The following CBLN2 variants were observed in gnomAD, a reference collection of about 807,000 sequenced individuals.
CBLN2 encodes cerebellin 2 precursor.
CBLN2 carries 7 observed loss-of-function variants against 15.0 expected under a neutral mutation model. The ratio of observed to expected loss-of-function variants is 0.47; its 90% CI spans 0.27 to 0.88. The LOEUF (loss-of-function observed/expected upper bound fraction) is 0.88. CBLN2 is among the 40% of genes least tolerant of loss of function. The pLI, the probability that CBLN2 is intolerant of heterozygous loss-of-function variation, is 0.14. For synonymous variants in CBLN2, 149 were observed against 135.2 expected (o/e 1.10, Z -0.71); for missense variants, 242 against 304.5 (o/e 0.79, Z 1.53).
chr18:72,548,809 C>A (rs1161507470), upstream of CBLN2, among the ~76,000 whole-genome samples: 1 of 152,090 alleles, frequency 6.6e-6, no homozygotes, highest in Non-Finnish European at 1.5e-5. Context: ...TAGCTTCCTG[C>A]ACCATAAATG....
chr18:72,633,643 T>C (rs899666578), intron 1 of CBLN2, among the ~76,000 whole-genome samples: 2 of 152,188 alleles, frequency 1.3e-5, no homozygotes, highest in African/African-American at 2.4e-5. Flanking sequence ...AGAACAGTTA[T>C]TGTGTAAAGA....
intron 1 of CBLN2, among the ~76,000 whole-genome samples, chr18:72,560,559 T>C (rs972768837): frequency 6.6e-6 from 1 of 152,210 alleles, no homozygotes; most frequent in Non-Finnish European, 1.5e-5. Flanking sequence ...GCTCTCTGAT[T>C]TCAATACAGC....
In CBLN2 at chr18:72,542,104, C is replaced by G. The variant is rs766129906; in HGVS notation, c.57G>C (p.Arg19=). The change falls in exon 3 of 5, where the codon CGG becomes CGC. Residue 19 remains arginine, a synonymous_variant. Coordinates refer to ENST00000269503, the MANE Select transcript of CBLN2 (RefSeq NM_182511.4). ...AGCCGCCCGGCTCGCGCAGCGCCCC[C>G]CGGCGCCCGGGCATCATCAGCCGCA... ...LGLRLMMPGR[R]GALREPGGCG... is the part of the protein sequence containing the mutation. 37 of 1,461,232 alleles carry G rather than the reference C, an allele frequency of 2.5e-5. No individual in the cohort carries two copies. Among genetic ancestry groups the G allele is most frequent in the Middle Eastern group, 2.5e-4 (1 of 4,030 alleles). The allele number at this position is 1,461,232 out of a possible 1,614,324, so 90.5% of individuals were successfully genotyped here. A position where few individuals can be genotyped will look rare whatever the true frequency, so the allele number is the denominator to read the frequency against.
intron 1 of CBLN2, among the ~76,000 whole-genome samples, chr18:72,575,733 T>C (rs1599006688): frequency 1.3e-5 from 2 of 152,010 alleles, no homozygotes; most frequent in South Asian, 4.1e-4. Context: ...TGGACTGGGA[T>C]TCTAAAAGGG....
intron 4 of CBLN2, 72 bp downstream of exon 4, chr18:72,538,581 A>G (rs2069086139): frequency 6.3e-7 from 1 of 1,586,146 alleles, no homozygotes; most frequent in African/African-American, 1.3e-5. Context: ...CTCAGAGACC[A>G]GGTGAAGGGG....
intron 1 of CBLN2, among the ~76,000 whole-genome samples, chr18:72,576,863 A>G (rs2069370604): frequency 6.7e-6 from 1 of 149,450 alleles, no homozygotes; most frequent in South Asian, 2.1e-4. Context: ...ATAAATATAT[A>G]TTATATATTA....
intron 1 of CBLN2, among the ~76,000 whole-genome samples, chr18:72,615,280 A>ATT (rs539990555): frequency 1.5e-4 from 5 of 33,488 alleles, no homozygotes; most frequent in East Asian, 1.1e-3. Context: ...ATATATATAT[A>ATT]TATTTTTTTT....
At chr18:72,555,561 T>C (rs546898984) in intron 1 of CBLN2, among the ~76,000 whole-genome samples, 31 of 152,314 alleles carry the variant, frequency 2.0e-4, no homozygotes, top group Admixed American at 3.3e-4. Context: ...TAATACAATC[T>C]TAATTTATGA....
intron 1 of CBLN2, among the ~76,000 whole-genome samples, chr18:72,600,339 C>T (rs2069539559): frequency 6.6e-6 from 1 of 152,080 alleles, no homozygotes; most frequent in Admixed American, 6.6e-5. Flanking sequence ...AGTTTCTGTG[C>T]TCAATATATG....
intron 1 of CBLN2, among the ~76,000 whole-genome samples, chr18:72,613,812 C>G (rs1568132010): frequency 6.6e-6 from 1 of 152,160 alleles, no homozygotes; most frequent in Non-Finnish European, 1.5e-5. Context: ...AGATTCCATG[C>G]TTGTTGACTC....
intron 1 of CBLN2, among the ~76,000 whole-genome samples, chr18:72,549,906 G>A (rs906751299): frequency 2.0e-5 from 3 of 149,870 alleles, no homozygotes; most frequent in East Asian, 2.7e-4. Context: ...ACGTGTTTTT[G>A]TGAAAAAAAT....
chr18:72,580,581 A>AC (rs1180767963), intron 1 of CBLN2, among the ~76,000 whole-genome samples: 1 of 152,192 alleles, frequency 6.6e-6, no homozygotes. Context: ...AATTGGAATC[A>AC]CACACATATA....
At chr18:72,549,722 T>A (rs989484249) in intron 1 of CBLN2, among the ~76,000 whole-genome samples, 3 of 152,206 alleles carry the variant, frequency 2.0e-5, no homozygotes. Flanking sequence ...AAATGAAGCA[T>A]TACTGAGAAA....
chr18:72,561,618 A>G (rs892725655), intron 1 of CBLN2, among the ~76,000 whole-genome samples: 1 of 152,222 alleles, frequency 6.6e-6, no homozygotes, highest in African/African-American at 2.4e-5. Flanking sequence ...TAATTTTGCA[A>G]TTGGCAAGCT....
At chr18:72,567,626 T>C (rs578193105) in intron 1 of CBLN2, among the ~76,000 whole-genome samples, 1 of 152,336 alleles carries the variant, frequency 6.6e-6, no homozygotes, top group African/African-American at 2.4e-5. Context: ...TTCATATTCT[T>C]ATGCATTATT....
At chr18:72,544,350 C>A (rs1314619919), upstream of CBLN2, 1 of 152,208 alleles carries the variant, frequency 6.6e-6, no homozygotes, top group Non-Finnish European at 1.5e-5. Flanking sequence ...ACTGGTGGAG[C>A]GGCTGGCGCT....
intron 1 of CBLN2, among the ~76,000 whole-genome samples, chr18:72,577,199 GA>G (rs2069373929): frequency 6.7e-6 from 1 of 149,628 alleles, no homozygotes. Context: ...GAATATGAAA[GA>G]AAAAATATTG....
chr18:72,638,491 G>T (rs1008288925), exon 1 of CBLN2: 1 of 395,788 alleles, frequency 2.5e-6, no homozygotes, highest in Admixed American at 4.4e-5. Flanking sequence ...AAGTCCTGTT[G>T]TACACTCTTA....
chr18:72,625,739 C>T (rs28525040), intron 1 of CBLN2, among the ~76,000 whole-genome samples: 26,857 of 100,064 alleles, frequency 0.27, 4,656 homozygotes, highest in African/African-American at 0.51. Context: ...CACTCTTGTC[C>T]GTTAGACCAA....
Sources: allele counts gnomAD v4.1 joint callset (sites outside exome capture counted in the v4.1 genomes callset), GRCh38; gene constraint gnomAD v4.1.1; transcripts MANE v1.5; gene names NCBI Gene and HGNC (gene_info 2026-07-23, HGNC 2026-07-21).